Variants in INPP4B observed in about 807,000 individuals in gnomAD.
The protein encoded by INPP4B is inositol polyphosphate 4-phosphatase type II.
A neutral mutation model predicts 122.5 loss-of-function variants in INPP4B; 55 were observed. The ratio of observed to expected loss-of-function variants is 0.45; its 90% CI spans 0.36 to 0.56. The LOEUF (loss-of-function observed/expected upper bound fraction) is 0.56, where lower values mean the gene tolerates loss of function less well. INPP4B is among the 20% of genes least tolerant of loss of function. The probability of loss-of-function intolerance (pLI) is 0.00; values close to 1 mark genes in which losing one functional copy is unlikely to be tolerated. For missense variants in INPP4B, 1,000 were observed against 1,097.7 expected (o/e 0.91, Z 1.26); for synonymous variants, 403 against 388.7 (o/e 1.04, Z -0.43).
At chr4:142,379,431 T>A (rs773040190) in intron 7 of INPP4B, among the ~76,000 whole-genome samples, 2 of 152,272 alleles carry the variant, frequency 1.3e-5, no homozygotes, top group African/African-American at 4.8e-5. Flanking sequence ...TGGAAACAGA[T>A]GTCCCCTAAC....
intron 1 of INPP4B, among the ~76,000 whole-genome samples, chr4:142,803,496 T>G (rs1778281492): frequency 6.6e-6 from 1 of 151,196 alleles, no homozygotes. Flanking sequence ...ATTTTTTTCA[T>G]AAAAGAGGGG....
chr4:142,468,978 C>G (rs1818323208), intron 2 of INPP4B, among the ~76,000 whole-genome samples: 1 of 152,076 alleles, frequency 6.6e-6, no homozygotes, highest in Admixed American at 6.6e-5. Context: ...CTAGATTAAA[C>G]TATTTTTAAG....
chr4:142,479,257 A>G (rs1366620146), intron 2 of INPP4B, among the ~76,000 whole-genome samples: 1 of 152,322 alleles, frequency 6.6e-6, no homozygotes, highest in South Asian at 2.1e-4. Context: ...AATCAAAACC[A>G]CAAAGAGACA....
chr4:142,139,132 T>C (rs1020462418), intron 18 of INPP4B, among the ~76,000 whole-genome samples: 1 of 152,184 alleles, frequency 6.6e-6, no homozygotes. Context: ...ACTGAACGTG[T>C]TCCTGGATAC....
At chr4:142,702,213 A>G (rs1761884811) in intron 2 of INPP4B, among the ~76,000 whole-genome samples, 1 of 152,092 alleles carries the variant, frequency 6.6e-6, no homozygotes, top group African/African-American at 2.4e-5. Context: ...TCATTCTTTC[A>G]AGTTCAAATT....
intron 8 of INPP4B, 196 bp from the exon 9 acceptor site, chr4:142,305,733 C>A (rs1261556547): frequency 1.4e-6 from 2 of 1,408,018 alleles, no homozygotes; most frequent in Non-Finnish European, 1.9e-6. Flanking sequence ...GAAAATGTAT[C>A]ATTTTCCCTA....
chr4:142,481,058 T>C (rs1820461053), intron 2 of INPP4B, among the ~76,000 whole-genome samples: 2 of 147,566 alleles, frequency 1.4e-5, no homozygotes, highest in African/African-American at 2.5e-5. Context: ...TCACTTGAAC[T>C]CTGGAGGCAG....
intron 2 of INPP4B, among the ~76,000 whole-genome samples, chr4:142,515,747 C>T (rs1324115449): frequency 5.3e-5 from 8 of 152,150 alleles, no homozygotes; most frequent in Admixed American, 5.2e-4. Context: ...TGGCTAAAAC[C>T]AAAGTCTGAA....
intron 1 of INPP4B, among the ~76,000 whole-genome samples, chr4:142,776,100 A>G (rs1464106381): frequency 6.6e-6 from 1 of 152,092 alleles, no homozygotes; most frequent in Non-Finnish European, 1.5e-5. Flanking sequence ...TACCCCAACG[A>G]TGTAATTTGT....
At chr4:142,364,480 A>C (rs1786671587) in intron 7 of INPP4B, among the ~76,000 whole-genome samples, 1 of 152,160 alleles carries the variant, frequency 6.6e-6, no homozygotes, top group East Asian at 1.9e-4. Flanking sequence ...TTGGGGTTCT[A>C]GCATTTCAGT....
At chr4:142,724,044 A>C (rs1765033994) in intron 2 of INPP4B, among the ~76,000 whole-genome samples, 1 of 152,136 alleles carries the variant, frequency 6.6e-6, no homozygotes, top group Non-Finnish European at 1.5e-5. Context: ...TATCATGCCA[A>C]ATTTTGGCAA....
intron 2 of INPP4B, among the ~76,000 whole-genome samples, chr4:142,512,535 A>C (rs985217414): frequency 1.3e-5 from 2 of 152,204 alleles, no homozygotes; most frequent in African/African-American, 4.8e-5. Context: ...AAAGACTGAT[A>C]ATGTAAACAT....
intron 2 of INPP4B, among the ~76,000 whole-genome samples, chr4:142,621,146 T>G (rs1744835928): frequency 6.6e-6 from 1 of 151,880 alleles, no homozygotes; most frequent in Non-Finnish European, 1.5e-5. Flanking sequence ...ATTCTGATTA[T>G]TGCGTGGTCT....
chr4:142,351,776 A>T (rs927786786), intron 7 of INPP4B, among the ~76,000 whole-genome samples: 2 of 151,996 alleles, frequency 1.3e-5, no homozygotes, highest in African/African-American at 2.4e-5. Flanking sequence ...AGGCTCTTCA[A>T]TTTCAATAAT....
chr4:142,835,452 T>C (rs1039352010), intron 1 of INPP4B, among the ~76,000 whole-genome samples: 3 of 152,150 alleles, frequency 2.0e-5, no homozygotes, highest in African/African-American at 7.2e-5. Context: ...ATTTAAGAAA[T>C]ACATAAACAG....
intron 1 of INPP4B, among the ~76,000 whole-genome samples, chr4:142,788,231 A>C (rs1170282312): frequency 6.6e-6 from 1 of 152,108 alleles, no homozygotes; most frequent in African/African-American, 2.4e-5. Context: ...TATTCCAAAA[A>C]ATTCAAGATA....
chr4:142,693,561 T>G (rs1760556987), intron 2 of INPP4B, among the ~76,000 whole-genome samples: 1 of 135,954 alleles, frequency 7.4e-6, no homozygotes, highest in Non-Finnish European at 1.6e-5. Flanking sequence ...GAACTCTCCA[T>G]TTGTAAGGGT....
intron 1 of INPP4B, among the ~76,000 whole-genome samples, chr4:142,793,545 C>T (rs562785540): frequency 2.6e-4 from 39 of 152,136 alleles, no homozygotes; most frequent in African/African-American, 8.9e-4. Flanking sequence ...AAGGATTTTC[C>T]TCAGAGGCCT....
chr4:142,818,500 A>T (rs1780403693), intron 1 of INPP4B, among the ~76,000 whole-genome samples: 1 of 152,128 alleles, frequency 6.6e-6, no homozygotes, highest in Non-Finnish European at 1.5e-5. Context: ...CAACAGAATT[A>T]CAATTTCTGT....
Sources: allele counts gnomAD v4.1 joint callset (sites outside exome capture counted in the v4.1 genomes callset), GRCh38; gene constraint gnomAD v4.1.1; transcripts MANE v1.5; gene names NCBI Gene and HGNC (gene_info 2026-07-23, HGNC 2026-07-21).